The following BUB1 variants were observed in gnomAD, a reference collection of about 807,000 sequenced individuals.
BUB1 encodes the protein BUB1 mitotic checkpoint serine/threonine kinase, also known as mitotic checkpoint serine/threonine-protein kinase BUB1.
Under a neutral mutation model 135.2 loss-of-function variants are expected in BUB1, and 84 were observed. The observed-to-expected ratio is 0.62, with a 90% CI of 0.52 to 0.74. The LOEUF (loss-of-function observed/expected upper bound fraction) is 0.74. Ranked by LOEUF, BUB1 falls within the 30% of genes least tolerant of loss-of-function variation. The probability of loss-of-function intolerance (pLI) is 0.00; values close to 1 mark genes in which losing one functional copy is unlikely to be tolerated. For synonymous variants in BUB1, 403 were observed against 434.4 expected (o/e 0.93, Z 0.90); for missense variants, 1,162 against 1,288.3 (o/e 0.90, Z 1.50).
intron 6 of BUB1, among the ~76,000 whole-genome samples, chr2:110,668,350 C>G (rs531156741): frequency 6.6e-6 from 1 of 152,156 alleles, no homozygotes; most frequent in African/African-American, 2.4e-5. Context: ...CAAGACCCAT[C>G]TCTACTGTCT....
chr2:110,669,605 G>A (rs1164016881), intron 5 of BUB1, 52 bp from the exon 6 acceptor site: 9 of 1,198,596 alleles, frequency 7.5e-6, no homozygotes, highest in Non-Finnish European at 1.1e-5. Context: ...AAAACCGTAA[G>A]TAAAATTATC....
chr2:110,662,003 TCAA>T (rs1690113591), intron 9 of BUB1, 162 bp from the exon 10 acceptor site: 1 of 816,618 alleles, frequency 1.2e-6, no homozygotes, highest in Admixed American at 3.0e-5. Flanking sequence ...AAATGTACAG[TCAA>T]CAACAAAAAG....
chr2:110,660,004 G>C lies in BUB1; in HGVS notation c.1250C>G (p.Pro417Arg). Residue 417 changes from proline (P) to arginine (R), a missense_variant, in exon 11 of 25, where the codon CCA (proline) becomes CGA (arginine). Pro to Arg is a moderately radical substitution (Grantham distance 103). Coordinates refer to ENST00000302759, the MANE Select transcript of BUB1 (RefSeq NM_004336.5). ...CVNKSTHEFK[P>R]QSGAEIKEGC... Reference sequence around the variant, plus strand: ...TTCTTTGATCTCTGCTCCACTCTGTGGCTTGAATTCATGAGTACTCTTATT... The same window carrying C: ...TTCTTTGATCTCTGCTCCACTCTGTCGCTTGAATTCATGAGTACTCTTATT... 6.2e-7 allele frequency: 1 copy of C among 1,611,862 alleles called. No homozygotes were observed.
chr2:110,645,245 C>G (rs1689610880), intron 19 of BUB1, among the ~76,000 whole-genome samples: 1 of 151,920 alleles, frequency 6.6e-6, no homozygotes, highest in Non-Finnish European at 1.5e-5. Flanking sequence ...ACCAGCCTGA[C>G]CAATATGGTG....
At position 110,652,311 on chromosome 2, in the gene BUB1, A is replaced by C. The variant is rs140085309; in HGVS notation, c.1964+1125T>G. Among the ~76,000 whole-genome samples the C allele has an allele frequency of 4.4e-4, 67 of 152,234 alleles. 1 individual carries two copies. The East Asian group carries it at 9.1e-3, about 21-fold the overall frequency. The stretch of plus-strand genomic sequence containing the variant: ...TCCAGCTCTCATACTGCAAACAAGT[A>C]TCCTTTTCGAGCTGTACTTAGTGTC... On this transcript the variant is annotated intron_variant, in intron 17 of 24. Coordinates refer to ENST00000302759, the MANE Select transcript of BUB1 (RefSeq NM_004336.5).
Position 110,674,815 on chromosome 2 carries a change from G to C in BUB1, c.27-450C>G, listed in dbSNP as rs1690528680. 7.1e-5 allele frequency: 15 copies of C among 209,968 alleles called. No homozygotes were observed. In the South Asian group the frequency reaches 1.1e-3, roughly 15 times the overall value. 13.0% of individuals were successfully genotyped at this position (209,968 alleles called of 1,614,324 possible). A position where few individuals can be genotyped will look rare whatever the true frequency, so the allele number is the denominator to read the frequency against. On this transcript the variant is annotated intron_variant, in intron 1 of 24. Transcript: ENST00000302759. ...ACCTCTGCCCTTCCAGTGGGATCCA[G>C]GCATGGCACTGACTCAGACCTCTGC...
At chr2:110,673,812 T>C (rs1440989964) in intron 3 of BUB1, among the ~76,000 whole-genome samples, 1 of 152,162 alleles carries the variant, frequency 6.6e-6, no homozygotes, top group Non-Finnish European at 1.5e-5. Context: ...TTGGCCAGGC[T>C]GGTCTCGAAC....
At chr2:110,674,280 G>A in intron 2 of BUB1, 26 bp downstream of exon 2, 1 of 1,613,556 alleles carries the variant, frequency 6.2e-7, no homozygotes, top group Non-Finnish European at 8.5e-7. Flanking sequence ...GTTTGTTTAA[G>A]GGAAATAAAA....
rs1230965211 is a variant in BUB1, at chr2:110,669,561, G to A, written c.467-8C>T. 1.3e-6 allele frequency: 2 copies of A among 1,546,792 alleles called. No homozygotes were observed. Among genetic ancestry groups the A allele is most frequent in the Non-Finnish European group, 1.8e-6 (2 of 1,121,132 alleles). On this transcript the variant is annotated splice_region_variant and splice_polypyrimidine_tract_variant and intron_variant, in intron 5 of 24. Coordinates refer to ENST00000302759, the MANE Select transcript of BUB1 (RefSeq NM_004336.5). ...GAGGTTCTGAGGTTCTAGCTATGAG[G>A]GAAAAGAGGATAAAATACGGAGAAA...
rs1689915070 is a variant in BUB1, at chr2:110,655,747, T to C, written c.1868A>G (p.Glu623Gly). ...AACAGTGTAACACACACCTTTATCT[T>C]CTAAAATGTGCACTGACTCCACTGG... is the stretch of plus-strand genomic sequence containing the variant. Reference protein sequence around the residue: ...KLPVESVHILEDKENVVAKQC... With the variant: ...KLPVESVHILGDKENVVAKQC... Residue 623 changes from glutamate (E) to glycine (G), a missense_variant, in exon 16 of 25, where the codon GAA becomes GGA. By Grantham distance (98) the Glu-to-Gly change is moderately conservative. Transcript: ENST00000302759. 1.2e-6 allele frequency: 2 copies of C among 1,613,274 alleles called. No homozygotes were observed. Among genetic ancestry groups the C allele is most frequent in the Non-Finnish European group, 1.7e-6 (2 of 1,179,348 alleles).
chr2:110,644,069 A>AAAAAAAAAAAAAT (rs1689577715), intron 19 of BUB1, among the ~76,000 whole-genome samples: 1 of 150,720 alleles, frequency 6.6e-6, no homozygotes, highest in Admixed American at 6.6e-5. Flanking sequence ...AAAAAAAAAA[A>AAAAAAAAAAAAAT]AAAAAAAAAA....
At chr2:110,674,040 G>C (rs1386659540) in intron 3 of BUB1, 46 bp downstream of exon 3, 2 of 1,408,052 alleles carry the variant, frequency 1.4e-6, no homozygotes, top group Admixed American at 2.1e-5. Flanking sequence ...AAAAGCAAAA[G>C]TACAACATGA....
At chr2:110,675,116 C>T (rs1467108205) in intron 1 of BUB1, 5 of 152,230 alleles carry the variant, frequency 3.3e-5, no homozygotes, top group African/African-American at 1.2e-4. Context: ...CCACAGAGCT[C>T]CCAGAGAACT....
rs933530483 is a variant in BUB1, at chr2:110,674,016, A to G, written c.225+70T>C. Reference sequence around the variant, plus strand: ...GGAATTAAAAGCCTAAAATGATCTTACAATCTAAGTTTAAAAAGCAAAAGT... The same window carrying G: ...GGAATTAAAAGCCTAAAATGATCTTGCAATCTAAGTTTAAAAAGCAAAAGT... On this transcript the variant is annotated intron_variant, in intron 3 of 24. Coordinates refer to ENST00000302759, the MANE Select transcript of BUB1 (RefSeq NM_004336.5). 5 of 1,240,206 alleles carry G rather than the reference A, an allele frequency of 4.0e-6. No homozygotes were observed. In the African/African-American group the frequency reaches 6.1e-5, roughly 15 times the overall value. The allele number at this position is 1,240,206 out of a possible 1,614,324, so 76.8% of individuals were successfully genotyped here.
chr2:110,670,210 C>T (rs992018851), intron 5 of BUB1, among the ~76,000 whole-genome samples: 10 of 142,374 alleles, frequency 7.0e-5, no homozygotes, highest in Non-Finnish European at 1.5e-4. Flanking sequence ...ATGATTTCAG[C>T]TCACTGCAAC....
In BUB1 at chr2:110,642,119, C is replaced by T. The variant is rs1483447035; in HGVS notation, c.2463G>A (p.Lys821=). 6.2e-7 allele frequency: 1 copy of T among 1,601,334 alleles called. No individual in the cohort carries two copies. The highest frequency in any genetic ancestry group is 8.5e-7 in the Non-Finnish European group (1 of 1,172,674). ...DAKNKQKFVL[K]VQKPANPWEF... ...ACAAAAGACAACTCAGGTCATTTAC[C>T]TTTAAAACAAATTTCTGTTTATTTT... The change falls in exon 20 of 25, where the codon AAG becomes AAA. Residue 821 remains lysine (K), a splice_region_variant and synonymous_variant. Coordinates refer to ENST00000302759, the MANE Select transcript of BUB1 (RefSeq NM_004336.5).
chr2:110,672,835 T>G lies in BUB1; in HGVS notation c.248A>C (p.His83Pro). 1 of 1,608,500 alleles carries G rather than the reference T, an allele frequency of 6.2e-7. No individual in the cohort carries two copies. Among genetic ancestry groups the G allele is most frequent in the Non-Finnish European group, 8.5e-7 (1 of 1,178,104 alleles). Residue 83 changes from histidine (H) to proline (P), a missense_variant, in exon 4 of 25, where the codon CAT becomes CCT. Physicochemically the swap from His to Pro is moderately conservative, Grantham distance 77. Transcript: ENST00000302759. ...GTTGTACAGAAACTCAAAAAATTGA[T>G]GGAGGTCACTGTTGTACTCAGCCTA... ...LKFAEYNSDLHQFFEFLYNHG... is the reference protein window; with the variant it reads ...LKFAEYNSDLPQFFEFLYNHG...
rs563656316 is a variant in BUB1, at chr2:110,660,115, T to C, written c.1218-79A>G. ...TGGGTGCGGTGGTGGCTCACGCCTG[T>C]AATCCCAGCACTTTGGGAGGCCGAG... is the stretch of plus-strand genomic sequence containing the variant. On this transcript the variant is annotated intron_variant, in intron 10 of 24. Transcript: ENST00000302759. 201 of 1,245,088 alleles carry C rather than the reference T, an allele frequency of 1.6e-4. 3 individuals are homozygous for C. In the South Asian group the frequency reaches 2.4e-3, roughly 15 times the overall value. The allele number at this position is 1,245,088 out of a possible 1,614,324, so 77.1% of individuals were successfully genotyped here.
intron 24 of BUB1, among the ~76,000 whole-genome samples, chr2:110,638,429 C>A (rs1477767742): frequency 6.6e-6 from 1 of 152,114 alleles, no homozygotes; most frequent in African/African-American, 2.4e-5. Flanking sequence ...TCTCTCTCTC[C>A]CTTTAAATAA....
Sources: gnomAD v4.1 joint callset for allele counts (sites outside exome capture counted in the v4.1 genomes callset) on GRCh38, gnomAD v4.1.1 for gene constraint, MANE v1.5 for transcripts, NCBI Gene and HGNC (gene_info 2026-07-23, HGNC 2026-07-21) for gene names.